The following RAX variants were observed in gnomAD, a reference collection of about 807,000 sequenced individuals.
RAX encodes the protein retinal homeobox protein Rx.
Under a neutral mutation model 17.4 loss-of-function variants are expected in RAX, and 11 were observed. That is an observed-to-expected ratio of 0.63 (90% CI 0.40 to 1.05). The LOEUF is 1.05. Ranked by LOEUF, RAX falls within the 50% of genes least tolerant of loss-of-function variation. The probability of loss-of-function intolerance (pLI) is 0.00; values close to 1 mark genes in which losing one functional copy is unlikely to be tolerated. For synonymous variants in RAX, 276 were observed against 254.7 expected, an observed-to-expected ratio of 1.08 and a Z score of -0.80; for missense variants, 527 against 501.1, an observed-to-expected ratio of 1.05 and a Z score of -0.49.
In RAX at chr18:59,268,691, C is replaced by A. The variant is rs953222306; in HGVS notation, c.*313G>T. The A allele has an allele frequency of 2.3e-5, 12 of 519,482 alleles. 1 individual carries two copies. The highest frequency in any genetic ancestry group is 3.4e-5 in the Non-Finnish European group (10 of 291,458). The allele number at this position is 519,482 out of a possible 1,614,324, so 32.2% of individuals were successfully genotyped here. A position where few individuals can be genotyped will look rare whatever the true frequency, so the allele number is the denominator to read the frequency against. On this transcript the variant is annotated 3_prime_UTR_variant, in exon 3 of 3. Transcript: ENST00000334889. This position sits in a 1 kb window ranked among gnomAD's most constrained non-coding sequence, Gnocchi z 4.4. ...GTTTAGGAGCTTCAGCCTGTTTGGG[C>A]CTGGAGGCTCCAGCGCCTGCGGTGA...
chr18:59,270,771 G>A (rs941397392), intron 2 of RAX, among the ~76,000 whole-genome samples: 14 of 152,208 alleles, frequency 9.2e-5, no homozygotes, highest in Non-Finnish European at 1.9e-4. Context: ...CAACAAAAGT[G>A]TAAGTACCCT....
rs1248831548 is a variant in RAX, at chr18:59,267,158, G to A, written c.*1846C>T. On this transcript the variant is annotated 3_prime_UTR_variant, in exon 3 of 3. Transcript: ENST00000334889. ...CAGATATTACTCCCTACCTCTTGGG[G>A]GGGAATAATTTATTCAGTACATTTT... The A allele has an allele frequency of 1.3e-5, 2 of 152,180 alleles. No individual in the cohort carries two copies. Among genetic ancestry groups the A allele is most frequent in the Non-Finnish European group, 2.9e-5 (2 of 68,034 alleles). The allele number at this position is 152,180 out of a possible 1,614,324, so 9.4% of individuals were successfully genotyped here.
In RAX at chr18:59,273,305, C is replaced by A. The variant is rs2070357822; in HGVS notation, c.-99G>T. ...GGCGGTGCAACCCGACGGGTCCCGA[C>A]CCTAGGTCAAGCTCCGCGGGCGAAG... On this transcript the variant is annotated 5_prime_UTR_variant, in exon 1 of 3. Transcript: ENST00000334889. 1 of 1,286,370 alleles carries A rather than the reference C, an allele frequency of 7.8e-7. No individual in the cohort carries two copies. The highest frequency in any genetic ancestry group is 1.0e-6 in the Non-Finnish European group (1 of 971,780). 79.7% of individuals were successfully genotyped at this position (1,286,370 alleles called of 1,614,324 possible).
At position 59,272,360 on chromosome 18, in the gene RAX, C is replaced by T. The variant is rs2070344470; in HGVS notation, c.543+1G>A. On this transcript the variant is annotated splice_donor_variant, in intron 2 of 2. Transcript: ENST00000334889. LOFTEE classifies it high-confidence loss of function. ...CCAGTTCCTCAACCTGGGCGCTTTA[C>T]CTGGACCCGGACCTCTGGTAGGTTG... 1 of 1,614,120 alleles carries T rather than the reference C, an allele frequency of 6.2e-7. No individual in the cohort carries two copies.
Position 59,272,572 on chromosome 18 carries a change from G to A in RAX, c.332C>T (p.Pro111Leu), listed in dbSNP as rs2070347412. The change falls in exon 2 of 3, where the codon CCG (proline) becomes CTG (leucine). Residue 111 changes from proline (P) to leucine (L), a missense_variant. Pro to Leu is a moderately conservative substitution (Grantham distance 98). Coordinates refer to ENST00000334889, the MANE Select transcript of RAX (RefSeq NM_013435.3). ...YCPKEPGEAR[P>L]SPGLPVGPAT... ...TGGCCCGACGGGCAGCCCTGGGCTCGGCCGTGCCTCCCCGGGCTCCTTGGG... is the reference window on the plus strand; with the variant it reads ...TGGCCCGACGGGCAGCCCTGGGCTCAGCCGTGCCTCCCCGGGCTCCTTGGG... 1 of 1,613,680 alleles carries A rather than the reference G, an allele frequency of 6.2e-7. No homozygotes were observed. Among genetic ancestry groups the A allele is most frequent in the African/African-American group, 1.3e-5 (1 of 74,922 alleles).
Position 59,269,385 on chromosome 18 carries a change from C to G in RAX, c.660G>C (p.Thr220=). 1 of 1,505,194 alleles carries G rather than the reference C, an allele frequency of 6.6e-7. No homozygotes were observed. The highest frequency in any genetic ancestry group is 8.8e-7 in the Non-Finnish European group (1 of 1,132,558). The allele number at this position is 1,505,194 out of a possible 1,614,324, so 93.2% of individuals were successfully genotyped here. The change falls in exon 3 of 3, where the codon ACG becomes ACC. Residue 220 remains threonine, a synonymous_variant. Transcript: ENST00000334889. ...CCGGGCCCGCCCCGAGGGGCGACAG[C>G]GTCGCGGAGGGCGGGGAGCGGCTGA... The part of the protein sequence containing the change: ...LSFSRSPPSA[T]LSPLGAGPGS...
At chr18:59,269,856 A>T (rs1603388979) in intron 2 of RAX, among the ~76,000 whole-genome samples, 1 of 144,798 alleles carries the variant, frequency 6.9e-6, no homozygotes, top group African/African-American at 2.6e-5. Context: ...CTGTGGTTGT[A>T]TCTGTTTCCA....
In RAX at chr18:59,268,734, G is replaced by A. The variant is rs2070304322; in HGVS notation, c.*270C>T. ...TGCGGTGATGGGAGCGGCGTGGCCA[G>A]CGGGGCCCGGCAGCCTGTTGCCCTC... On this transcript the variant is annotated 3_prime_UTR_variant, in exon 3 of 3. Transcript: ENST00000334889. The surrounding 1 kb of genome is among the most constrained non-coding windows in gnomAD (Gnocchi z 4.4). 5.2e-6 allele frequency: 3 copies of A among 577,366 alleles called. No individual in the cohort carries two copies. The highest frequency in any genetic ancestry group is 4.2e-5 in the South Asian group (2 of 47,450). 35.8% of individuals were successfully genotyped at this position (577,366 alleles called of 1,614,324 possible). A position where few individuals can be genotyped will look rare whatever the true frequency, so the allele number is the denominator to read the frequency against.
rs1409927944 is a variant in RAX, at chr18:59,269,021, G to T, written c.1024C>A (p.Pro342Thr). 1 of 1,613,064 alleles carries T rather than the reference G, an allele frequency of 6.2e-7. No homozygotes were observed. Among genetic ancestry groups the T allele is most frequent in the Non-Finnish European group, 8.5e-7 (1 of 1,179,870 alleles). The change falls in exon 3 of 3, where the codon CCG (proline) becomes ACG (threonine). Residue 342 changes from proline to threonine, a missense_variant. Coordinates refer to ENST00000334889, the MANE Select transcript of RAX (RefSeq NM_013435.3). The part of the protein sequence containing the change: ...AKEHIQAIGK[P>T]WQAL Reference sequence around the variant, plus strand: ...CAGTGCCCCTAGAGGGCCTGCCACGGCTTCCCGATGGCCTGGATGTGCTCC... The same window carrying T: ...CAGTGCCCCTAGAGGGCCTGCCACGTCTTCCCGATGGCCTGGATGTGCTCC...
Position 59,268,813 on chromosome 18 carries a change from C to T in RAX, c.*191G>A. ...CGTTGAGGCGGCCAGAGGGCCTCTCCTCAGGCCTGAAAGTCGCCCTTCTCC... is the reference window on the plus strand; with the variant it reads ...CGTTGAGGCGGCCAGAGGGCCTCTCTTCAGGCCTGAAAGTCGCCCTTCTCC... On this transcript the variant is annotated 3_prime_UTR_variant, in exon 3 of 3. Coordinates refer to ENST00000334889, the MANE Select transcript of RAX (RefSeq NM_013435.3). The surrounding 1 kb of genome is among the most constrained non-coding windows in gnomAD (Gnocchi z 4.4). The T allele has an allele frequency of 5.1e-6, 5 of 975,422 alleles. No homozygotes were observed. The highest frequency in any genetic ancestry group is 7.5e-6 in the Non-Finnish European group (5 of 666,530). The allele number at this position is 975,422 out of a possible 1,614,324, so 60.4% of individuals were successfully genotyped here. A position where few individuals can be genotyped will look rare whatever the true frequency, so the allele number is the denominator to read the frequency against.
At position 59,272,458 on chromosome 18, in the gene RAX, T is replaced by C. The variant is rs1202792332; in HGVS notation, c.446A>G (p.His149Arg). ...NRTTFTTYQL[H>R]ELERAFEKSH... ...CTTCTCGAACGCGCGCTCCAGCTCATGCAGCTGGTACGTGGTGAAAGTCGT... is the reference window on the plus strand; with the variant it reads ...CTTCTCGAACGCGCGCTCCAGCTCACGCAGCTGGTACGTGGTGAAAGTCGT... The change falls in exon 2 of 3, where the codon CAT (histidine) becomes CGT (arginine). Residue 149 changes from histidine to arginine, a missense_variant. Coordinates refer to ENST00000334889, the MANE Select transcript of RAX (RefSeq NM_013435.3). 2.5e-6 allele frequency: 4 copies of C among 1,614,108 alleles called. No homozygotes were observed. In the Admixed American group the frequency reaches 5.0e-5, roughly 20 times the overall value.
chr18:59,270,108 AAGTAG>A (rs1333540624), intron 2 of RAX, among the ~76,000 whole-genome samples: 1 of 152,168 alleles, frequency 6.6e-6, no homozygotes, highest in African/African-American at 2.4e-5. Flanking sequence ...AAATATTGTT[AAGTAG>A]AGTAATTGGC....
At position 59,273,167 on chromosome 18, in the gene RAX, T is replaced by G; in HGVS notation, c.40A>C (p.Ser14Arg). ...AGCAGGTGGCCGGCAAGCGAGAAGC[T>G]CCCGTCGGCCATGGCTGGCGCGCAG... ...PGCAPAMADG[S>R]FSLAGHLLRS... Residue 14 changes from serine to arginine, a missense_variant, in exon 1 of 3, where the codon AGC becomes CGC. By Grantham distance (110) the Ser-to-Arg change is moderately radical. Transcript: ENST00000334889. 1 of 1,531,214 alleles carries G rather than the reference T, an allele frequency of 6.5e-7. No homozygotes were observed. The highest frequency in any genetic ancestry group is 8.7e-7 in the Non-Finnish European group (1 of 1,145,030). 94.9% of individuals were successfully genotyped at this position (1,531,214 alleles called of 1,614,324 possible).
Position 59,272,417 on chromosome 18 carries a change from C to A in RAX, c.487G>T (p.Val163Leu), listed in dbSNP as rs753064502. Residue 163 changes from valine to leucine, a missense_variant, in exon 2 of 3, where the codon GTG (valine) becomes TTG (leucine). By Grantham distance (32) the Val-to-Leu change is conservative. Coordinates refer to ENST00000334889, the MANE Select transcript of RAX (RefSeq NM_013435.3). ...CCGGCCAGCTCCTCGCGGCTGTACA[C>A]GTCCGGGTAGTGGGACTTCTCGAAC... Reference protein sequence around the residue: ...RAFEKSHYPDVYSREELAGKV... With the variant: ...RAFEKSHYPDLYSREELAGKV... 2.5e-6 allele frequency: 4 copies of A among 1,614,256 alleles called. No homozygotes were observed. The highest frequency in any genetic ancestry group is 2.2e-5 in the East Asian group (1 of 44,878).
rs886054029 is a variant in RAX, at chr18:59,273,310, G to A, written c.-104C>T. 6.4e-6 allele frequency: 8 copies of A among 1,256,202 alleles called. No homozygotes were observed. Among genetic ancestry groups the A allele is most frequent in the African/African-American group, 4.8e-5 (3 of 62,972 alleles). The allele number at this position is 1,256,202 out of a possible 1,614,324, so 77.8% of individuals were successfully genotyped here. On this transcript the variant is annotated 5_prime_UTR_variant, in exon 1 of 3. Coordinates refer to ENST00000334889, the MANE Select transcript of RAX (RefSeq NM_013435.3). ...TGCAACCCGACGGGTCCCGACCCTA[G>A]GTCAAGCTCCGCGGGCGAAGCCCGC...
Position 59,269,016 on chromosome 18 carries a change from C to T in RAX, c.1029G>A (p.Trp343Ter), listed in dbSNP as rs1200942266. 2 of 1,613,024 alleles carry T rather than the reference C, an allele frequency of 1.2e-6. No individual in the cohort carries two copies. Among genetic ancestry groups the T allele is most frequent in the Admixed American group, 1.7e-5 (1 of 60,022 alleles). The stretch of plus-strand genomic sequence containing the variant: ...TTCCCCAGTGCCCCTAGAGGGCCTG[C>T]CACGGCTTCCCGATGGCCTGGATGT... ...KEHIQAIGKP[W>*]QAL The change falls in exon 3 of 3, where the codon TGG becomes TGA. Residue 343 changes from tryptophan to a stop codon, truncating the protein, a stop_gained. Transcript: ENST00000334889. LOFTEE classifies it high-confidence loss of function.
chr18:59,268,938 GGGA>G lies in RAX; in HGVS notation c.*63_*65del. 1 of 1,611,454 alleles carries G rather than the reference GGGA, an allele frequency of 6.2e-7. No homozygotes were observed. Among genetic ancestry groups the G allele is most frequent in the Non-Finnish European group, 8.5e-7 (1 of 1,179,116 alleles). ...CGAGCTGGGGAGGGGGGTTGTCCCT[GGGA>G]GAGAGGATGCGGGTACGGTGCGGTC... On this transcript the variant is annotated 3_prime_UTR_variant, in exon 3 of 3. Transcript: ENST00000334889. This position sits in a 1 kb window ranked among gnomAD's most constrained non-coding sequence, Gnocchi z 4.4.
chr18:59,267,714 A>T lies in RAX; in HGVS notation c.*1290T>A, dbSNP rs552068764. 2 of 136,158 alleles carry T rather than the reference A, an allele frequency of 1.5e-5. No individual in the cohort carries two copies. Among genetic ancestry groups the T allele is most frequent in the Non-Finnish European group, 3.0e-5 (2 of 66,076 alleles). The allele number at this position is 136,158 out of a possible 1,614,324, so 8.4% of individuals were successfully genotyped here. A position where few individuals can be genotyped will look rare whatever the true frequency, so the allele number is the denominator to read the frequency against. The stretch of plus-strand genomic sequence containing the variant: ...GCCCAGCTTCCAGTGTCAACGGTGG[A>T]TATCGAGCACGCTCAGGCGGGAGTC... On this transcript the variant is annotated 3_prime_UTR_variant, in exon 3 of 3. Coordinates refer to ENST00000334889, the MANE Select transcript of RAX (RefSeq NM_013435.3).
chr18:59,269,566 A>G, intron 2 of RAX, 65 bp from the exon 3 acceptor site: 1 of 1,560,712 alleles, frequency 6.4e-7, no homozygotes, highest in Non-Finnish European at 8.6e-7. Flanking sequence ...CCCAACCCTG[A>G]GCCGGTTCAG....
Sources: gnomAD v4.1 joint callset for allele counts (sites outside exome capture counted in the v4.1 genomes callset) on GRCh38, gnomAD v4.1.1 for gene constraint, Gnocchi (gnomAD v3.1) non-coding constraint, MANE v1.5 for transcripts, NCBI Gene and HGNC (gene_info 2026-07-23, HGNC 2026-07-21) for gene names.